The following MYO5C variants were observed in gnomAD, a reference collection of about 807,000 sequenced individuals.
MYO5C encodes myosin VC.
In MYO5C, 194 loss-of-function variants were observed where a neutral mutation model predicts 235.7. The observed-to-expected ratio is 0.82, with a 90% CI of 0.73 to 0.93. The LOEUF is 0.93. Among genes scored for constraint, MYO5C ranks in the 40% least tolerant of loss-of-function variants. The pLI is 0.00. For synonymous variants in MYO5C, 707 were observed against 754.8 expected, an observed-to-expected ratio of 0.94 and a Z score of 1.04; for missense variants, 2,038 against 2,127.2, an observed-to-expected ratio of 0.96 and a Z score of 0.82.
At chr15:52,218,715 T>C in intron 31 of MYO5C, 28 bp from the exon 32 acceptor site, 3 of 1,611,438 alleles carry the variant, frequency 1.9e-6, no homozygotes, top group Non-Finnish European at 1.7e-6. Flanking sequence ...GAATGGCTGG[T>C]ATCAGTATGA....
intron 1 of MYO5C, among the ~76,000 whole-genome samples, chr15:52,284,944 A>C (rs2037230442): frequency 6.6e-6 from 1 of 151,330 alleles, no homozygotes; most frequent in South Asian, 2.1e-4. Flanking sequence ...GGTTCAAGTG[A>C]TCCTCCTATG....
At chr15:52,240,723 C>A (rs968511421) in intron 20 of MYO5C, among the ~76,000 whole-genome samples, 4 of 152,034 alleles carry the variant, frequency 2.6e-5, no homozygotes, top group Admixed American at 1.3e-4. Context: ...CTGAGTGAGA[C>A]CTTGTCTCAA....
At chr15:52,224,588 TTAAA>T (rs1596158491) in intron 28 of MYO5C, among the ~76,000 whole-genome samples, 1 of 152,208 alleles carries the variant, frequency 6.6e-6, no homozygotes, top group Non-Finnish European at 1.5e-5. Flanking sequence ...GTTTATTAAT[TTAAA>T]TAAATGCAGC....
In MYO5C at chr15:52,286,115, G is replaced by A. The variant is rs753493090; in HGVS notation, c.28-3223C>T. Among the ~76,000 whole-genome samples, 652 of 150,510 alleles carry A rather than the reference G, an allele frequency of 4.3e-3. 13 individuals are homozygous for A. The highest frequency in any genetic ancestry group is 0.015 in the African/African-American group (630 of 41,188). Reference sequence around the variant, plus strand: ...TGAGAAGTGAGGAGCCCCTCCGCCCGGCAGCCGCACCCTCTGAGAAGTGAG... The same window carrying A: ...TGAGAAGTGAGGAGCCCCTCCGCCCAGCAGCCGCACCCTCTGAGAAGTGAG... On this transcript the variant is annotated intron_variant, in intron 1 of 40. Coordinates refer to ENST00000261839, the MANE Select transcript of MYO5C (RefSeq NM_018728.4).
In MYO5C at chr15:52,232,221, TGAAA is replaced by T. The variant is rs72086274; in HGVS notation, c.3026+397_3026+400del. Reference sequence around the variant, plus strand: ...AAGGAAGGAAGGAAAAGAAAGAAAATGAAAGAAAGAAGAAAGAAAGAAGGAAGGA... The same window carrying T: ...AAGGAAGGAAGGAAAAGAAAGAAAATGAAAGAAGAAAGAAAGAAGGAAGGA... On this transcript the variant is annotated intron_variant, in intron 24 of 40. Coordinates refer to ENST00000261839, the MANE Select transcript of MYO5C (RefSeq NM_018728.4). Among the ~76,000 whole-genome samples the T allele has an allele frequency of 2.8e-3, 60 of 21,114 alleles. 16 individuals are homozygous for T. Among genetic ancestry groups the T allele is most frequent in the Middle Eastern group, 0.077 (2 of 26 alleles). The allele number at this position is 21,114 out of a possible 152,430, so 13.9% of individuals were successfully genotyped here. A position where few individuals can be genotyped will look rare whatever the true frequency, so the allele number is the denominator to read the frequency against.
At position 52,279,572 on chromosome 15, in the gene MYO5C, G is replaced by C; in HGVS notation, c.241C>G (p.Pro81Ala). ...ATTCTGAGGTTGTGGAGCACCGCGG[G>C]CTCGTGAAGATAGCTGAGAGCCGTG... ...DLTALSYLHE[P>A]AVLHNLRIRF... The change falls in exon 3 of 41, where the codon CCC (proline) becomes GCC (alanine). Residue 81 changes from proline to alanine, a missense_variant. By Grantham distance (27) the Pro-to-Ala change is conservative (BLOSUM62 -1). Coordinates refer to ENST00000261839, the MANE Select transcript of MYO5C (RefSeq NM_018728.4). The C allele has an allele frequency of 1.2e-6, 2 of 1,614,112 alleles. No individual in the cohort carries two copies. The highest frequency in any genetic ancestry group is 1.7e-6 in the Non-Finnish European group (2 of 1,179,966).
At chr15:52,254,335 A>G (rs2036537392) in intron 11 of MYO5C, among the ~76,000 whole-genome samples, 5 of 152,130 alleles carry the variant, frequency 3.3e-5, no homozygotes, top group Non-Finnish European at 7.4e-5. Context: ...GATGGCTGGG[A>G]CTCAGGGAGG....
chr15:52,260,762 A>C lies in MYO5C; in HGVS notation c.1313+100T>G. 7.6e-6 allele frequency: 10 copies of C among 1,320,624 alleles called. No homozygotes were observed. In the South Asian group the frequency reaches 1.4e-4, roughly 19 times the overall value. The allele number at this position is 1,320,624 out of a possible 1,614,324, so 81.8% of individuals were successfully genotyped here. On this transcript the variant is annotated intron_variant, in intron 10 of 40. Coordinates refer to ENST00000261839, the MANE Select transcript of MYO5C (RefSeq NM_018728.4). ...AAAAGCAGAGAATGTTATCTTTCTA[A>C]TCATGTGAAATACAAAAGAACCAGA...
At chr15:52,217,951 A>C (rs1335278121) in intron 32 of MYO5C, among the ~76,000 whole-genome samples, 1 of 152,212 alleles carries the variant, frequency 6.6e-6, no homozygotes, top group Non-Finnish European at 1.5e-5. Flanking sequence ...TGGGTTCCAC[A>C]CAGCATCACA....
In MYO5C at chr15:52,204,921, C is replaced by T. The variant is rs773635086; in HGVS notation, c.4764G>A (p.Leu1588=). 8.1e-6 allele frequency: 13 copies of T among 1,614,110 alleles called. No individual in the cohort carries two copies. In the East Asian group the frequency reaches 2.5e-4, roughly 30 times the overall value. ...TGTCCTTGCGCAGGAAGAGGCTGTT[C>T]AGCGTGACCGCCCCGATCAAGAAGA... The part of the protein sequence containing the change: ...QLFFLIGAVT[L]NSLFLRKDMC... Residue 1588 remains leucine (L), a synonymous_variant, in exon 38 of 41, where the codon CTG becomes CTA. Transcript: ENST00000261839.
In MYO5C at chr15:52,246,610, G is replaced by A. The variant is rs145724173; in HGVS notation, c.1979+307C>T. Among the ~76,000 whole-genome samples the A allele has an allele frequency of 2.0e-4, 31 of 152,278 alleles. No homozygotes were observed. The East Asian group carries it at 4.6e-3, about 23-fold the overall frequency. ...CATCATGTCTGAGGACAAATGTTCT[G>A]ACCTTCTATGACCTTCTACAAACAC... On this transcript the variant is annotated intron_variant, in intron 16 of 40. Coordinates refer to ENST00000261839, the MANE Select transcript of MYO5C (RefSeq NM_018728.4).
At chr15:52,289,202 C>A (rs563462381) in intron 1 of MYO5C, among the ~76,000 whole-genome samples, 23 of 151,604 alleles carry the variant, frequency 1.5e-4, no homozygotes, top group Admixed American at 1.2e-3. Context: ...CCCCCCATGT[C>A]CGTGTCTCCC....
intron 37 of MYO5C, 161 bp downstream of exon 37, chr15:52,205,655 A>G (rs2035295725): frequency 2.2e-6 from 1 of 453,024 alleles, no homozygotes; most frequent in East Asian, 3.4e-5. Context: ...TGGAATCATT[A>G]TAAGCAAGCA....
At chr15:52,227,153 A>T (rs1270190133) in intron 25 of MYO5C, among the ~76,000 whole-genome samples, 2 of 151,934 alleles carry the variant, frequency 1.3e-5, no homozygotes, top group South Asian at 4.2e-4. Flanking sequence ...TCTGTCTCAA[A>T]AAAAACCCAA....
Position 52,260,897 on chromosome 15 carries a change from C to T in MYO5C, c.1278G>A (p.Lys426=), listed in dbSNP as rs965804470. The T allele has an allele frequency of 6.2e-7, 1 of 1,614,090 alleles. No homozygotes were observed. The highest frequency in any genetic ancestry group is 1.3e-5 in the African/African-American group (1 of 74,922). ...RINQALQFSG[K]QHTFIGVLDI... is the part of the protein sequence containing the mutation. The stretch of plus-strand genomic sequence containing the variant: ...CCAAAACACCAATAAAAGTGTGCTG[C>T]TTGCCTGAAAACTGCAACGCTTGGT... The change falls in exon 10 of 41, where the codon AAG becomes AAA. Residue 426 remains lysine (K), a synonymous_variant. Coordinates refer to ENST00000261839, the MANE Select transcript of MYO5C (RefSeq NM_018728.4).
At chr15:52,269,386 A>ATTTT (rs71130145) in intron 8 of MYO5C, among the ~76,000 whole-genome samples, 27 of 103,968 alleles carry the variant, frequency 2.6e-4, no homozygotes, top group African/African-American at 7.2e-4. Context: ...CCACCTTTTA[A>ATTTT]TTTTTTTTTT....
rs531050869 is a variant in MYO5C, at chr15:52,211,819, A to C, written c.4207T>G (p.Cys1403Gly). ...TTCAGAGAGTCTGCGTAGCGCACAC[A>C]CATGAACAGGATATGAGCCGGCAGC... ...PGLPAHILFMCVRYADSLNDA... is the reference protein window; with the variant it reads ...PGLPAHILFMGVRYADSLNDA... Residue 1403 changes from cysteine (C) to glycine (G), a missense_variant, in exon 35 of 41, where the codon TGT becomes GGT. By Grantham distance (159) the Cys-to-Gly change is radical. Coordinates refer to ENST00000261839, the MANE Select transcript of MYO5C (RefSeq NM_018728.4). 1.2e-6 allele frequency: 2 copies of C among 1,614,200 alleles called. No homozygotes were observed. The highest frequency in any genetic ancestry group is 1.7e-6 in the Non-Finnish European group (2 of 1,180,018).
At chr15:52,269,723 T>C (rs750117422) in intron 8 of MYO5C, 30 bp downstream of exon 8, 15 of 1,407,858 alleles carry the variant, frequency 1.1e-5, no homozygotes, top group Non-Finnish European at 1.5e-5. Flanking sequence ...AGAAAATGGC[T>C]ACATACTTGG....
chr15:52,262,161 G>A (rs550043139), intron 9 of MYO5C, among the ~76,000 whole-genome samples: 17 of 152,192 alleles, frequency 1.1e-4, no homozygotes, highest in Non-Finnish European at 2.4e-4. Context: ...GCAAAGGGGC[G>A]GCAGCTTTTC....
Sources: gnomAD v4.1 joint callset for allele counts (sites outside exome capture counted in the v4.1 genomes callset) on GRCh38, gnomAD v4.1.1 for gene constraint, MANE v1.5 for transcripts, NCBI Gene and HGNC (gene_info 2026-07-23, HGNC 2026-07-21) for gene names.